The following SMARCA1 variants were observed in gnomAD, a reference collection of about 807,000 sequenced individuals.
SMARCA1 encodes SWI/SNF-related matrix-associated actin-dependent regulator of chromatin subfamily A member 1.
In SMARCA1, 17 loss-of-function variants were observed where a neutral mutation model predicts 93.6. The ratio of observed to expected loss-of-function variants is 0.18; its 90% CI spans 0.12 to 0.27. The LOEUF (loss-of-function observed/expected upper bound fraction) is 0.27, where lower values mean the gene tolerates loss of function less well. Among genes scored for constraint, SMARCA1 ranks in the 10% least tolerant of loss-of-function variants. The pLI is 1.00. For missense variants in SMARCA1, 630 were observed against 819.0 expected (o/e 0.77, Z 2.82); for synonymous variants, 271 against 271.4 (o/e 1.00, Z 0.01).
chrX:129,448,509 T>C (rs1932117090), intron 23 of SMARCA1, 66 bp from the exon 24 acceptor site: 1 of 936,226 alleles, frequency 1.1e-6, no homozygotes, highest in Admixed American at 2.7e-5. Flanking sequence ...CGCTGACAAC[T>C]ATTTAACTGT....
chrX:129,482,635 G>A (rs1933731455), intron 17 of SMARCA1, among the ~76,000 whole-genome samples: 1 of 111,905 alleles, frequency 8.9e-6, no homozygotes, highest in Non-Finnish European at 1.9e-5. Flanking sequence ...AAACTGCCAA[G>A]AGTTAAATGC....
chrX:129,504,838 G>T (rs760581969), intron 8 of SMARCA1, 36 bp from the exon 9 acceptor site: 1 of 904,708 alleles, frequency 1.1e-6, no homozygotes, highest in Non-Finnish European at 1.6e-6. Flanking sequence ...TGAGTGCACA[G>T]TTTTTTTAAA....
Position 129,507,940 on chromosome X carries a change from C to A in SMARCA1, c.966+1G>T. On this transcript the variant is annotated splice_donor_variant, in intron 7 of 24. Coordinates refer to ENST00000371121, the MANE Select transcript of SMARCA1 (RefSeq NM_001282874.2). LOFTEE classifies it high-confidence loss of function. ...CTTTAATAAAGATATTGATAACTTA[C>A]CTTAGATTTTTCATTCTTTATTCTG... 8.9e-7 allele frequency: 1 copy of A among 1,121,620 alleles called. No homozygotes were observed. The highest frequency in any genetic ancestry group is 1.2e-6 in the Non-Finnish European group (1 of 839,456). 92.4% of individuals were successfully genotyped at this position (1,121,620 alleles called of 1,213,427 possible).
intron 16 of SMARCA1, 131 bp downstream of exon 16, chrX:129,488,806 T>C (rs971638358): frequency 2.4e-6 from 1 of 418,551 alleles, no homozygotes; most frequent in African/African-American, 2.6e-5. Flanking sequence ...CTACAAGTTG[T>C]TGGAGAGAAT....
At chrX:129,478,119 G>A (rs762634596) in intron 19 of SMARCA1, among the ~76,000 whole-genome samples, 1 of 111,590 alleles carries the variant, frequency 9.0e-6, no homozygotes. Flanking sequence ...ACACTTCCCT[G>A]ATCTCCCAGT....
chrX:129,498,466 T>C (rs1156891583), intron 10 of SMARCA1, among the ~76,000 whole-genome samples: 1 of 111,828 alleles, frequency 8.9e-6, no homozygotes, highest in African/African-American at 3.2e-5. Flanking sequence ...TTTCATTCTC[T>C]TTTCTACAAT....
chrX:129,506,714 AG>A (rs1232609023), intron 7 of SMARCA1, among the ~76,000 whole-genome samples: 3,205 of 69,388 alleles, frequency 0.046, 655 homozygotes, highest in Middle Eastern at 0.092. Context: ...AAAAAAAAAA[AG>A]GAAGAAGAAT....
At chrX:129,484,005 G>GA (rs1054359232) in intron 17 of SMARCA1, among the ~76,000 whole-genome samples, 1 of 111,760 alleles carries the variant, frequency 8.9e-6, no homozygotes, top group Non-Finnish European at 1.9e-5. Flanking sequence ...AGAATATTCA[G>GA]AAAAAAATGT....
chrX:129,510,625 T>G (rs992961602), intron 6 of SMARCA1, among the ~76,000 whole-genome samples: 1 of 112,009 alleles, frequency 8.9e-6, no homozygotes, highest in Non-Finnish European at 1.9e-5. Flanking sequence ...CCCCAGGAAG[T>G]AGAGATAGGG....
In SMARCA1 at chrX:129,517,249, G is replaced by A. The variant is rs773876884; in HGVS notation, c.262-752C>T. ...TCTCAATAAATTGTAAAAGGTCAGG[G>A]AACGTGTACCATATACAGGCAATAA... On this transcript the variant is annotated intron_variant, in intron 2 of 24. Coordinates refer to ENST00000371121, the MANE Select transcript of SMARCA1 (RefSeq NM_001282874.2). 3.6e-5 allele frequency among the ~76,000 whole-genome samples: 4 copies of A among 110,975 alleles called. No individual in the cohort carries two copies. In the South Asian group the frequency reaches 1.5e-3, roughly 42 times the overall value.
In SMARCA1 at chrX:129,487,007, T is replaced by C. The variant is rs772342180; in HGVS notation, c.2217+11A>G. On this transcript the variant is annotated intron_variant, in intron 17 of 24. Transcript: ENST00000371121. ...CATTTGAGGGTCTAATGGTTGAGAG[T>C]AAAAAGTTACCTTCTGTTTTTCTCT... The C allele has an allele frequency of 5.8e-5, 68 of 1,165,066 alleles. No individual in the cohort carries two copies. Among genetic ancestry groups the C allele is most frequent in the Non-Finnish European group, 7.4e-5 (64 of 868,059 alleles).
At chrX:129,465,812 A>C in intron 22 of SMARCA1, 32 bp downstream of exon 22, 1 of 1,058,576 alleles carries the variant, frequency 9.4e-7, no homozygotes, top group Non-Finnish European at 1.3e-6. Context: ...AATTAAAACG[A>C]TCTAATAATA....
chrX:129,455,735 A>G (rs2124167303), intron 23 of SMARCA1, among the ~76,000 whole-genome samples: 1 of 112,375 alleles, frequency 8.9e-6, no homozygotes, highest in South Asian at 3.7e-4. Context: ...CTTAAGCCAA[A>G]GCCTCATCCA....
At chrX:129,462,618 AAAGT>A (rs1473131218) in intron 23 of SMARCA1, among the ~76,000 whole-genome samples, 2 of 112,008 alleles carry the variant, frequency 1.8e-5, no homozygotes, top group East Asian at 2.8e-4. Context: ...TACGATAGAA[AAAGT>A]AATAAATAAA....
At chrX:129,496,612 A>C (rs760326734) in intron 12 of SMARCA1, 138 bp downstream of exon 12, 15 of 479,040 alleles carry the variant, frequency 3.1e-5, no homozygotes, top group Non-Finnish European at 4.5e-5. Flanking sequence ...TGAAGATTGA[A>C]GAGAGAAAGA....
At chrX:129,469,437 G>A (rs762391138) in intron 20 of SMARCA1, among the ~76,000 whole-genome samples, 3 of 111,837 alleles carry the variant, frequency 2.7e-5, no homozygotes, top group Admixed American at 9.5e-5. Flanking sequence ...CAAGCAGAAC[G>A]TTATTGGAGC....
chrX:129,465,279 A>AT (rs1932880456), intron 23 of SMARCA1, among the ~76,000 whole-genome samples: 1 of 111,878 alleles, frequency 8.9e-6, no homozygotes, highest in Non-Finnish European at 1.9e-5. Flanking sequence ...GTATACTTAT[A>AT]AAATATAGAT....
In SMARCA1 at chrX:129,516,495, T is replaced by C. The variant is rs774750838; in HGVS notation, c.264A>G (p.Lys88=). The change falls in exon 3 of 25, where the codon AAA becomes AAG. Residue 88 remains lysine, a splice_region_variant and synonymous_variant. Coordinates refer to ENST00000371121, the MANE Select transcript of SMARCA1 (RefSeq NM_001282874.2). ...EMDPEYEEKM[K]ADRAKRFEFL... Reference sequence around the variant, plus strand: ...ATTCAAATCTCTTTGCTCGGTCGGCTTTCTAATTTGCAAAACAAAAGAAAA... The same window carrying C: ...ATTCAAATCTCTTTGCTCGGTCGGCCTTCTAATTTGCAAAACAAAAGAAAA... 5.0e-6 allele frequency: 6 copies of C among 1,194,911 alleles called. No individual in the cohort carries two copies. The highest frequency in any genetic ancestry group is 6.8e-6 in the Non-Finnish European group (6 of 888,226).
At chrX:129,509,703 GA>G (rs1482176207) in intron 6 of SMARCA1, among the ~76,000 whole-genome samples, 1 of 111,670 alleles carries the variant, frequency 9.0e-6, no homozygotes, top group Non-Finnish European at 1.9e-5. Flanking sequence ...TTTTAGAGGT[GA>G]AAAAATTAAG....
Sources: allele counts gnomAD v4.1 joint callset (sites outside exome capture counted in the v4.1 genomes callset), GRCh38; gene constraint gnomAD v4.1.1; transcripts MANE v1.5; gene names NCBI Gene and HGNC (gene_info 2026-07-23, HGNC 2026-07-21).